AFAP1L2: variants seen among roughly 807,000 people sequenced by gnomAD.
The protein encoded by AFAP1L2 is actin filament associated protein 1 like 2, also known as actin filament-associated protein 1-like 2.
In AFAP1L2, 46 loss-of-function variants were observed where a neutral mutation model predicts 99.3. That is an observed-to-expected ratio of 0.46 (90% CI 0.37 to 0.59). The LOEUF is 0.59. Among genes scored for constraint, AFAP1L2 ranks in the 20% least tolerant of loss-of-function variants. AFAP1L2 has a pLI of 0.00. For missense variants in AFAP1L2, 959 were observed against 1,034.9 expected, an observed-to-expected ratio of 0.93 and a Z score of 1.01; for synonymous variants, 397 against 419.1, an observed-to-expected ratio of 0.95 and a Z score of 0.64.
At chr10:114,366,347 C>T (rs1341315255) in intron 1 of AFAP1L2, among the ~76,000 whole-genome samples, 2 of 152,134 alleles carry the variant, frequency 1.3e-5, no homozygotes, top group African/African-American at 4.8e-5. Context: ...TGCTGTGCAG[C>T]GTACTCAAGA....
chr10:114,310,621 A>T (rs1156408926), intron 7 of AFAP1L2, among the ~76,000 whole-genome samples, 178 bp from the exon 8 acceptor site: 1 of 152,080 alleles, frequency 6.6e-6, no homozygotes, highest in Non-Finnish European at 1.5e-5. Flanking sequence ...GTGGCCTCAG[A>T]CCCAGCTGGG....
At chr10:114,357,199 T>C (rs757312388) in intron 1 of AFAP1L2, among the ~76,000 whole-genome samples, 14 of 152,190 alleles carry the variant, frequency 9.2e-5, no homozygotes, top group East Asian at 1.9e-4. Flanking sequence ...AATCAAATCC[T>C]CTCTTCCCTT....
intron 7 of AFAP1L2, 66 bp from the exon 8 acceptor site, chr10:114,310,509 A>G: frequency 6.9e-7 from 1 of 1,454,220 alleles, no homozygotes; most frequent in South Asian, 1.2e-5. Flanking sequence ...AGCCAGGCTG[A>G]AGCCAGGGCC....
In AFAP1L2 at chr10:114,300,294, C is replaced by T. The variant is rs888407219; in HGVS notation, c.1857G>A (p.Gln619=). ...AGCTCGGTGGGAAGGAGATTCTCTG[C>T]TGTTCCGTCTGGATTTTGACGGTGG... ...RITTVKIQTE[Q]QRISFPPSCP... is the part of the protein sequence containing the mutation. The change falls in exon 15 of 19, where the codon CAG becomes CAA. Residue 619 remains glutamine, a synonymous_variant. Coordinates refer to ENST00000304129, the MANE Select transcript of AFAP1L2 (RefSeq NM_001001936.3). The T allele has an allele frequency of 6.2e-7, 1 of 1,614,002 alleles. No individual in the cohort carries two copies. Among genetic ancestry groups the T allele is most frequent in the Non-Finnish European group, 8.5e-7 (1 of 1,180,040 alleles).
At chr10:114,323,357 T>C (rs2045696500) in intron 4 of AFAP1L2, 96 bp from the exon 5 acceptor site, 1 of 1,083,046 alleles carries the variant, frequency 9.2e-7, no homozygotes, top group Non-Finnish European at 1.4e-6. Flanking sequence ...AAGACAAAAA[T>C]GCCCAGCTGG....
intron 1 of AFAP1L2, among the ~76,000 whole-genome samples, chr10:114,386,409 G>T (rs1013991665): frequency 2.6e-5 from 4 of 151,382 alleles, no homozygotes; most frequent in Non-Finnish European, 4.4e-5. Flanking sequence ...TCCAAAAAAA[G>T]AAAAAAGGAA....
the AFAP1L2 span, among the ~76,000 whole-genome samples, chr10:114,282,864 C>T: frequency 6.6e-6 from 1 of 152,154 alleles, no homozygotes; most frequent in African/African-American, 2.4e-5. Flanking sequence ...TCCTCAAAGC[C>T]AGCACCAAAC....
chr10:114,302,457 A>G lies in AFAP1L2; in HGVS notation c.1312T>C (p.Trp438Arg), dbSNP rs765768644. ...EAKSSEEMGH[W>R]LGLLLSESGS... Reference sequence around the variant, plus strand: ...GACTCAGAGAGCAGGAGACCCAGCCAGTGGCCCATTTCCTCGGAAGACTTG... The same window carrying G: ...GACTCAGAGAGCAGGAGACCCAGCCGGTGGCCCATTTCCTCGGAAGACTTG... The change falls in exon 12 of 19, where the codon TGG (tryptophan) becomes CGG (arginine). Residue 438 changes from tryptophan to arginine, a missense_variant. This residue lies in a region of AFAP1L2 where 576 missense variants were observed against 562.1 expected (regional missense o/e 1.02). Transcript: ENST00000304129. 4 of 1,614,128 alleles carry G rather than the reference A, an allele frequency of 2.5e-6. No individual in the cohort carries two copies. Among genetic ancestry groups the G allele is most frequent in the Non-Finnish European group, 3.4e-6 (4 of 1,180,014 alleles).
rs1334086552 is a variant in AFAP1L2, at chr10:114,307,905, C to T, written c.972G>A (p.Lys324=). Residue 324 remains lysine, a synonymous_variant, in exon 10 of 19, where the codon AAG becomes AAA. Coordinates refer to ENST00000304129, the MANE Select transcript of AFAP1L2 (RefSeq NM_001001936.3). ...GTTTGAGGCCAGCAGAACATTTCTTCTTGACTGTCAAGATGAGACAGAAAG... is the reference window on the plus strand; with the variant it reads ...GTTTGAGGCCAGCAGAACATTTCTTTTTGACTGTCAAGATGAGACAGAAAG... The part of the protein sequence containing the change: ...HPEVPETKDV[K]KKCSAGLKLS... The T allele has an allele frequency of 1.2e-6, 2 of 1,613,990 alleles. No individual in the cohort carries two copies. The highest frequency in any genetic ancestry group is 3.3e-5 in the Admixed American group (2 of 60,010).
At position 114,297,281 on chromosome 10, in the gene AFAP1L2, G is replaced by A; in HGVS notation, c.2246C>T (p.Ala749Val). 1 of 1,614,026 alleles carries A rather than the reference G, an allele frequency of 6.2e-7. No homozygotes were observed. The change falls in exon 17 of 19, where the codon GCA (alanine) becomes GTA (valine). Residue 749 changes from alanine (A) to valine (V), a missense_variant. By Grantham distance (64) the Ala-to-Val change is moderately conservative. This residue lies in a region of AFAP1L2 where 576 missense variants were observed against 562.1 expected (regional missense o/e 1.02). Transcript: ENST00000304129. ...EVKDNLKKAE[A>V]GPVTLGTTVD... The stretch of plus-strand genomic sequence containing the variant: ...GGTGGTGCCTAACGTCACAGGCCCT[G>A]CCTCAGCCTTCTTCAGGTTGTCCTT...
At chr10:114,367,665 G>A (rs979642480) in intron 1 of AFAP1L2, among the ~76,000 whole-genome samples, 1 of 152,142 alleles carries the variant, frequency 6.6e-6, no homozygotes, top group African/African-American at 2.4e-5. Context: ...CAGGAATGAA[G>A]GCTCTGCTTG....
At chr10:114,379,162 G>T (rs1047502227) in intron 1 of AFAP1L2, among the ~76,000 whole-genome samples, 1 of 151,774 alleles carries the variant, frequency 6.6e-6, no homozygotes, top group Admixed American at 6.6e-5. Context: ...GTAGTGAGCC[G>T]TGATCGCACC....
chr10:114,307,056 C>T (rs1242858053), intron 10 of AFAP1L2, among the ~76,000 whole-genome samples: 3 of 152,148 alleles, frequency 2.0e-5, no homozygotes, highest in Admixed American at 1.3e-4. Context: ...ATGTGGGACC[C>T]GCTTGGGGAT....
At chr10:114,389,083 G>A (rs954799281) in intron 1 of AFAP1L2, among the ~76,000 whole-genome samples, 1 of 152,158 alleles carries the variant, frequency 6.6e-6, no homozygotes, top group African/African-American at 2.4e-5. Context: ...TGCAATTGGA[G>A]TTGCTGCCCA....
At chr10:114,285,922 T>G in the AFAP1L2 span, 1 of 1,568,578 alleles carries the variant, frequency 6.4e-7, no homozygotes, top group African/African-American at 1.3e-5. Context: ...CAGTGGGTGT[T>G]GCTGTGATCC....
intron 1 of AFAP1L2, among the ~76,000 whole-genome samples, chr10:114,354,240 G>A (rs1345520388): frequency 6.6e-6 from 1 of 152,162 alleles, no homozygotes; most frequent in East Asian, 1.9e-4. Context: ...AGCAAAAGCC[G>A]CCACACAAAG....
intron 11 of AFAP1L2, among the ~76,000 whole-genome samples, chr10:114,303,050 T>G (rs1486177992): frequency 6.6e-6 from 1 of 150,528 alleles, no homozygotes; most frequent in Non-Finnish European, 1.5e-5. Flanking sequence ...TCCCAGTGAA[T>G]TTGGTATTTT....
chr10:114,304,579 A>C, intron 11 of AFAP1L2, 140 bp downstream of exon 11: 2 of 934,584 alleles, frequency 2.1e-6, no homozygotes, highest in Non-Finnish European at 3.1e-6. Flanking sequence ...AAATGCAAAC[A>C]ATCTCAGGCA....
In AFAP1L2 at chr10:114,310,391, T is replaced by G. The variant is rs2043044926; in HGVS notation, c.845A>C (p.Gln282Pro). 1.2e-6 allele frequency: 2 copies of G among 1,613,884 alleles called. No individual in the cohort carries two copies. The highest frequency in any genetic ancestry group is 1.3e-5 in the African/African-American group (1 of 74,902). ...LPSEGASEGNQYTPDAQRFNC... is the reference protein window; with the variant it reads ...LPSEGASEGNPYTPDAQRFNC... ...AAAGCGCTGGGCATCCGGGGTGTAC[T>G]GGTTTCCTTCAGATGCTCCTTCGGA... Residue 282 changes from glutamine (Q) to proline (P), a missense_variant, in exon 8 of 19, where the codon CAG becomes CCG. Physicochemically the swap from Gln to Pro is moderately conservative, Grantham distance 76. Transcript: ENST00000304129.
Sources: gnomAD v4.1 joint callset for allele counts (sites outside exome capture counted in the v4.1 genomes callset) on GRCh38, gnomAD v4.1.1 for gene constraint, gnomAD v4.1.1 regional missense constraint, MANE v1.5 for transcripts, NCBI Gene and HGNC (gene_info 2026-07-23, HGNC 2026-07-21) for gene names.